RBFOX1: variants seen among roughly 807,000 people sequenced by gnomAD.
RBFOX1 encodes the protein RNA binding fox-1 homolog 1, also known as RNA binding protein fox-1 homolog 1.
In RBFOX1, 8 loss-of-function variants were observed where a neutral mutation model predicts 57.7. The observed-to-expected ratio is 0.14, with a 90% CI of 0.08 to 0.25. RBFOX1 has a LOEUF of 0.25. Among genes scored for constraint, RBFOX1 ranks in the 10% least tolerant of loss-of-function variants. The probability of loss-of-function intolerance (pLI) is 1.00; values close to 1 mark genes in which losing one functional copy is unlikely to be tolerated. For missense variants in RBFOX1, 611 were observed against 548.5 expected (o/e 1.11, Z -1.14); for synonymous variants, 326 against 222.4 (o/e 1.47, Z -4.15).
At chr16:5,804,772 G>A (rs947817456) in intron 3 of RBFOX1, among the ~76,000 whole-genome samples, 6 of 152,232 alleles carry the variant, frequency 3.9e-5, no homozygotes, top group Middle Eastern at 3.4e-3. Flanking sequence ...GTCCTACCAC[G>A]CTCACCTCCC....
intron 1 of RBFOX1, among the ~76,000 whole-genome samples, chr16:5,349,921 T>A (rs1268623379): frequency 6.6e-6 from 1 of 152,158 alleles, no homozygotes; most frequent in Non-Finnish European, 1.5e-5. Context: ...CCACTCTCCC[T>A]GTGCTCCTTC....
At chr16:5,588,933 C>CT (rs1449635870) in intron 2 of RBFOX1, among the ~76,000 whole-genome samples, 1 of 152,084 alleles carries the variant, frequency 6.6e-6, no homozygotes, top group African/African-American at 2.4e-5. Flanking sequence ...ACAGGGCTGG[C>CT]TTTTGCAGAA....
chr16:7,086,166 C>CATG (rs2059952512), intron 4 of RBFOX1, among the ~76,000 whole-genome samples: 1 of 152,138 alleles, frequency 6.6e-6, no homozygotes, highest in Non-Finnish European at 1.5e-5. Flanking sequence ...TACTCGCCAC[C>CATG]CGTCTCATGC....
chr16:6,537,288 G>C (rs1399032103), intron 2 of RBFOX1, among the ~76,000 whole-genome samples: 1 of 152,156 alleles, frequency 6.6e-6, no homozygotes, highest in African/African-American at 2.4e-5. Context: ...TTTATAGGGT[G>C]TTAAGCAACA....
At chr16:6,280,957 GTGTGTGTGTGTATGTGTGTGTATATATA>G (rs1268618748) in intron 1 of RBFOX1, among the ~76,000 whole-genome samples, 1 of 149,580 alleles carries the variant, frequency 6.7e-6, no homozygotes, top group Non-Finnish European at 1.5e-5. Flanking sequence ...CAACATATGT[GTGTGTGTGTGTATGTGTGTGTATATATA>G]TGTGTGTGTG....
chr16:5,619,008 G>C (rs7198889), intron 3 of RBFOX1, among the ~76,000 whole-genome samples: 7,727 of 152,140 alleles, frequency 0.051, 673 homozygotes, highest in African/African-American at 0.17. Flanking sequence ...AGGGAGGCCA[G>C]GCTATTTAGG....
At chr16:5,845,751 T>C (rs2056740264) in intron 3 of RBFOX1, among the ~76,000 whole-genome samples, 1 of 152,252 alleles carries the variant, frequency 6.6e-6, no homozygotes, top group Non-Finnish European at 1.5e-5. Context: ...CACACGTGGC[T>C]AGTGGTGACT....
intron 3 of RBFOX1, among the ~76,000 whole-genome samples, chr16:5,757,049 G>C (rs1253364265): frequency 6.6e-6 from 1 of 152,186 alleles, no homozygotes; most frequent in Admixed American, 6.5e-5. Context: ...GCAAAGGATG[G>C]GGGAGTTCTG....
At chr16:5,644,073 T>C (rs2151337904) in intron 3 of RBFOX1, among the ~76,000 whole-genome samples, 1 of 152,316 alleles carries the variant, frequency 6.6e-6, no homozygotes, top group East Asian at 1.9e-4. Flanking sequence ...ATTTTCATGA[T>C]GCAAATTTCA....
chr16:7,416,785 C>A (rs750649585), intron 4 of RBFOX1, among the ~76,000 whole-genome samples: 1 of 151,994 alleles, frequency 6.6e-6, no homozygotes, highest in African/African-American at 2.4e-5. Context: ...ATGACAATGA[C>A]GATAGTGAGT....
intron 1 of RBFOX1, among the ~76,000 whole-genome samples, chr16:6,072,922 A>T (rs2095853985): frequency 6.6e-6 from 1 of 152,192 alleles, no homozygotes; most frequent in Non-Finnish European, 1.5e-5. Flanking sequence ...GCTTATGCCC[A>T]AGCTCATCAA....
chr16:5,260,068 G>A (rs986805497), intron 1 of RBFOX1, among the ~76,000 whole-genome samples: 1 of 152,148 alleles, frequency 6.6e-6, no homozygotes, highest in African/African-American at 2.4e-5. Flanking sequence ...AGGCATGATG[G>A]TGCATGCCTA....
intron 4 of RBFOX1, among the ~76,000 whole-genome samples, chr16:5,899,034 G>A (rs1482434853): frequency 6.6e-6 from 1 of 150,818 alleles, no homozygotes; most frequent in Admixed American, 6.7e-5. Flanking sequence ...GAGCCTCACT[G>A]CTTTTAGTTT....
intron 1 of RBFOX1, among the ~76,000 whole-genome samples, chr16:6,292,246 T>G (rs1384664896): frequency 6.6e-6 from 1 of 152,034 alleles, no homozygotes; most frequent in Non-Finnish European, 1.5e-5. Context: ...GGTAAGAAAG[T>G]GAGATGCCAT....
chr16:6,606,759 G>A (rs567563944), intron 2 of RBFOX1, among the ~76,000 whole-genome samples: 103 of 152,250 alleles, frequency 6.8e-4, no homozygotes, highest in Non-Finnish European at 1.2e-3. Flanking sequence ...GTCTATCATT[G>A]ATGGGCATTT....
At chr16:7,497,975 C>G (rs995731286) in intron 4 of RBFOX1, among the ~76,000 whole-genome samples, 2 of 152,164 alleles carry the variant, frequency 1.3e-5, no homozygotes, top group African/African-American at 2.4e-5. Context: ...TAAAAACAAG[C>G]TTTTAAAAGC....
chr16:6,168,883 C>T lies in RBFOX1; in HGVS notation c.-126-148112C>T, dbSNP rs9930197. ...GGGGTCCAGTGACCTTGATGTTTTTCGTCCAGGGAAGATGGCTGAGGCATC... is the reference window on the plus strand; with the variant it reads ...GGGGTCCAGTGACCTTGATGTTTTTTGTCCAGGGAAGATGGCTGAGGCATC... On this transcript the variant is annotated intron_variant, in intron 1 of 15. Transcript: ENST00000550418. 4.6e-5 allele frequency among the ~76,000 whole-genome samples: 7 copies of T among 151,326 alleles called. No individual in the cohort carries two copies. In the East Asian group the frequency reaches 1.2e-3, roughly 25 times the overall value.
rs60505612 is a variant in RBFOX1, at chr16:7,615,813, A to AT, written c.676+8477dup. Among the ~76,000 whole-genome samples, 706 of 152,302 alleles carry AT rather than the reference A, an allele frequency of 4.6e-3. 4 individuals are homozygous for AT. The highest frequency in any genetic ancestry group is 0.016 in the African/African-American group (659 of 41,566). On this transcript the variant is annotated intron_variant, in intron 10 of 15. Coordinates refer to ENST00000550418, the MANE Select transcript of RBFOX1 (RefSeq NM_018723.4). The stretch of plus-strand genomic sequence containing the variant: ...CAAAACACCCTGCAATGCACAAGAC[A>AT]TTCCTTGACCACAAATCGTTATCTG...
chr16:5,272,818 A>G (rs577891836), intron 1 of RBFOX1, among the ~76,000 whole-genome samples: 4 of 152,238 alleles, frequency 2.6e-5, no homozygotes, highest in South Asian at 4.1e-4. Context: ...TTTATTTTGC[A>G]GATAACCTTC....
Sources: gnomAD v4.1 joint callset for allele counts (sites outside exome capture counted in the v4.1 genomes callset) on GRCh38, gnomAD v4.1.1 for gene constraint, MANE v1.5 for transcripts, NCBI Gene and HGNC (gene_info 2026-07-23, HGNC 2026-07-21) for gene names.